The following ARID1A variants were observed in gnomAD, a reference collection of about 807,000 sequenced individuals.
ARID1A encodes AT-rich interactive domain-containing protein 1A.
ARID1A carries 20 observed loss-of-function variants against 212.6 expected under a neutral mutation model. That is an observed-to-expected ratio of 0.09 (90% CI 0.07 to 0.14). The LOEUF is 0.14. Ranked by LOEUF, ARID1A falls within the 10% of genes least tolerant of loss-of-function variation. ARID1A has a pLI of 1.00. For synonymous variants in ARID1A, 1,376 were observed against 1,222.1 expected, an observed-to-expected ratio of 1.13 and a Z score of -2.63; for missense variants, 2,587 against 3,059.0, an observed-to-expected ratio of 0.85 and a Z score of 3.64.
At chr1:26,750,017 T>A (rs936305694) in intron 4 of ARID1A, among the ~76,000 whole-genome samples, 1 of 152,204 alleles carries the variant, frequency 6.6e-6, no homozygotes, top group Non-Finnish European at 1.5e-5. Context: ...TCTTGTCGTT[T>A]GTGTGTCTGG....
In ARID1A at chr1:26,779,654, C is replaced by G. The variant is rs2124142524; in HGVS notation, c.5756C>G (p.Ser1919Cys). 6.2e-7 allele frequency: 1 copy of G among 1,614,124 alleles called. No homozygotes were observed. The highest frequency in any genetic ancestry group is 8.5e-7 in the Non-Finnish European group (1 of 1,180,028). The change falls in exon 20 of 20, where the codon TCT (serine) becomes TGT (cysteine). Residue 1919 changes from serine (S) to cysteine (C), a missense_variant. This residue lies in a region of ARID1A where 890 missense variants were observed against 1,098.2 expected (regional missense o/e 0.81). Coordinates refer to ENST00000324856, the MANE Select transcript of ARID1A (RefSeq NM_006015.6). ...ATMDDMLSTR[S>C]STLTEDGAKS... ...ATGGATGACATGTTGTCTACTCGGTCTAGCACCTTGACCGAGGATGGAGCT... is the reference window on the plus strand; with the variant it reads ...ATGGATGACATGTTGTCTACTCGGTGTAGCACCTTGACCGAGGATGGAGCT...
Position 26,732,731 on chromosome 1 carries a change from C to T in ARID1A, c.1859C>T (p.Ser620Phe), listed in dbSNP as rs1324498175. The T allele has an allele frequency of 1.2e-6, 2 of 1,614,076 alleles. No individual in the cohort carries two copies. The highest frequency in any genetic ancestry group is 4.5e-5 in the East Asian group (2 of 44,878). ...GCATCCTCAGCCCCCTCAATGACCT[C>T]CAGTAAGGGAGGGCAAGAAGATATG... ...SQASSAPSMT[S>F]SKGGQEDMNL... The change falls in exon 4 of 20, where the codon TCC becomes TTC. Residue 620 changes from serine to phenylalanine, a missense_variant. Ser to Phe is a radical substitution (Grantham distance 155). This residue lies in a region of ARID1A where 674 missense variants were observed against 813.4 expected (regional missense o/e 0.83). Coordinates refer to ENST00000324856, the MANE Select transcript of ARID1A (RefSeq NM_006015.6).
At chr1:26,708,914 C>G (rs2080421864) in intron 1 of ARID1A, among the ~76,000 whole-genome samples, 1 of 151,832 alleles carries the variant, frequency 6.6e-6, no homozygotes. Flanking sequence ...CCAGGATGGT[C>G]TCGGTCTGCT....
At chr1:26,703,555 T>C (rs190305715) in intron 1 of ARID1A, among the ~76,000 whole-genome samples, 4 of 152,324 alleles carry the variant, frequency 2.6e-5, no homozygotes, top group Admixed American at 2.6e-4. Flanking sequence ...ACTATGATTT[T>C]TAGGTTCAGC....
intron 1 of ARID1A, among the ~76,000 whole-genome samples, chr1:26,728,696 C>T (rs2080642939): frequency 1.3e-5 from 2 of 152,286 alleles, no homozygotes; most frequent in South Asian, 2.1e-4. Context: ...ATATCAGACC[C>T]ATGCCTACTC....
At chr1:26,778,378 G>A (rs192005457) in intron 19 of ARID1A, 1 of 152,034 alleles carries the variant, frequency 6.6e-6, no homozygotes, top group Admixed American at 6.5e-5. Context: ...GCCAAAGATT[G>A]TGACTGGAGA....
chr1:26,725,154 T>C (rs2080604614), intron 1 of ARID1A, among the ~76,000 whole-genome samples: 1 of 152,188 alleles, frequency 6.6e-6, no homozygotes, highest in Non-Finnish European at 1.5e-5. Flanking sequence ...TGAAAGGATT[T>C]CCTCTGTCTT....
intron 1 of ARID1A, among the ~76,000 whole-genome samples, chr1:26,716,957 G>A: frequency 6.6e-6 from 1 of 152,138 alleles, no homozygotes; most frequent in East Asian, 1.9e-4. Context: ...GTGCTATATT[G>A]CAGGACATTG....
chr1:26,769,212 C>A (rs1470684007), intron 11 of ARID1A: 2 of 152,170 alleles, frequency 1.3e-5, no homozygotes, highest in East Asian at 3.9e-4. Flanking sequence ...TCGCTCACTT[C>A]TGATTGGGTG....
Position 26,774,198 on chromosome 1 carries a change from G to C in ARID1A, c.4102-131G>C. ...TGGAAACAACTTCAAAAGACAATTTGTTAAGGTGATTCCCATGTTTTCTTG... is the reference window on the plus strand; with the variant it reads ...TGGAAACAACTTCAAAAGACAATTTCTTAAGGTGATTCCCATGTTTTCTTG... On this transcript the variant is annotated intron_variant, in intron 17 of 19. Coordinates refer to ENST00000324856, the MANE Select transcript of ARID1A (RefSeq NM_006015.6). This position sits in a 1 kb window ranked among gnomAD's most constrained non-coding sequence, Gnocchi z 5.6. The C allele has an allele frequency of 6.9e-7, 1 of 1,448,658 alleles. No homozygotes were observed. The highest frequency in any genetic ancestry group is 1.5e-5 in the South Asian group (1 of 66,414). 89.7% of individuals were successfully genotyped at this position (1,448,658 alleles called of 1,614,324 possible). A position where few individuals can be genotyped will look rare whatever the true frequency, so the allele number is the denominator to read the frequency against.
At chr1:26,772,718 C>T (rs2124105715) in intron 13 of ARID1A, 86 bp downstream of exon 13, 1 of 1,607,032 alleles carries the variant, frequency 6.2e-7, no homozygotes, top group South Asian at 1.1e-5. Flanking sequence ...GTGGTCCTTG[C>T]CTCTGCCTTC....
chr1:26,720,549 C>T (rs560665631), intron 1 of ARID1A, among the ~76,000 whole-genome samples: 1 of 151,894 alleles, frequency 6.6e-6, no homozygotes, highest in South Asian at 2.1e-4. Flanking sequence ...CCCAAATGCT[C>T]CCAGACTGGA....
Position 26,771,002 on chromosome 1 carries a change from A to T in ARID1A, c.3199-117A>T. The T allele has an allele frequency of 1.1e-6, 1 of 880,114 alleles. No individual in the cohort carries two copies. Among genetic ancestry groups the T allele is most frequent in the Non-Finnish European group, 1.8e-6 (1 of 568,070 alleles). 54.5% of individuals were successfully genotyped at this position (880,114 alleles called of 1,614,324 possible). A position where few individuals can be genotyped will look rare whatever the true frequency, so the allele number is the denominator to read the frequency against. On this transcript the variant is annotated intron_variant, in intron 11 of 19. Transcript: ENST00000324856. This position sits in a 1 kb window ranked among gnomAD's most constrained non-coding sequence, Gnocchi z 5.4. The stretch of plus-strand genomic sequence containing the variant: ...CCAAGCAAGATTAACTTTTTCAATT[A>T]CCTAAGAACTGTGGTTCTACAAAGA...
chr1:26,730,345 C>G (rs1474723020), intron 2 of ARID1A, among the ~76,000 whole-genome samples: 1 of 152,174 alleles, frequency 6.6e-6, no homozygotes, highest in Non-Finnish European at 1.5e-5. Context: ...AGCATTGATA[C>G]AAATGTTAAG....
At chr1:26,711,147 C>T (rs970400921) in intron 1 of ARID1A, among the ~76,000 whole-genome samples, 1 of 151,496 alleles carries the variant, frequency 6.6e-6, no homozygotes, top group African/African-American at 2.4e-5. Context: ...CTCGCTTTGT[C>T]ACCCAGGCTG....
chr1:26,719,907 C>T (rs1013069261), intron 1 of ARID1A, among the ~76,000 whole-genome samples: 1 of 142,436 alleles, frequency 7.0e-6, no homozygotes, highest in African/African-American at 2.6e-5. Context: ...CGCCATTACA[C>T]TCTAGCCTGG....
At position 26,723,527 on chromosome 1, in the gene ARID1A, G is replaced by A. The variant is rs765205660; in HGVS notation, c.1138-6124G>A. ...GGGGTCCTTACCCATCTGTTCTCTC[G>A]GCTCTTTCTGGGTTATCAGGCGCCA... On this transcript the variant is annotated intron_variant, in intron 1 of 19. Transcript: ENST00000324856. 3.9e-5 allele frequency among the ~76,000 whole-genome samples: 6 copies of A among 152,084 alleles called. No individual in the cohort carries two copies. In the East Asian group the frequency reaches 9.6e-4, roughly 24 times the overall value.
In ARID1A at chr1:26,731,361, G is replaced by A. The variant is rs200277813; in HGVS notation, c.1560G>A (p.Gln520=). The A allele has an allele frequency of 2.5e-6, 4 of 1,613,664 alleles. No individual in the cohort carries two copies. Among genetic ancestry groups the A allele is most frequent in the South Asian group, 2.2e-5 (2 of 91,036 alleles). The change falls in exon 3 of 20, where the codon CAG becomes CAA. Residue 520 remains glutamine, a synonymous_variant. Coordinates refer to ENST00000324856, the MANE Select transcript of ARID1A (RefSeq NM_006015.6). ...QLQSSQPPYS[Q]QPSQPPHQQS... ...AGTCCTCTCAGCCTCCATACTCCCA[G>A]CAGCCATCCCAGCCTCCACATCAGC...
chr1:26,774,726 G>A lies in ARID1A; in HGVS notation c.4499G>A (p.Gly1500Glu), dbSNP rs771481044. 1 of 1,614,242 alleles carries A rather than the reference G, an allele frequency of 6.2e-7. No individual in the cohort carries two copies. The highest frequency in any genetic ancestry group is 1.7e-5 in the Admixed American group (1 of 60,030). The change falls in exon 18 of 20, where the codon GGG becomes GAG. Residue 1500 changes from glycine (G) to glutamate (E), a missense_variant. Gly to Glu is a moderately conservative substitution (Grantham distance 98). Around this residue, in one of 11 missense-constraint regions of ARID1A, gnomAD observed 890 missense variants for 1,098.2 expected, o/e 0.81. Transcript: ENST00000324856. The surrounding 1 kb of genome is among the most constrained non-coding windows in gnomAD (Gnocchi z 5.6). ...EVAQQGTMWQ[G>E]RNDMTYNYAN... Reference sequence around the variant, plus strand: ...GCTCAGCAAGGCACCATGTGGCAGGGGCGTAATGACATGACCTATAATTAT... The same window carrying A: ...GCTCAGCAAGGCACCATGTGGCAGGAGCGTAATGACATGACCTATAATTAT...
Sources: gnomAD v4.1 joint callset for allele counts (sites outside exome capture counted in the v4.1 genomes callset) on GRCh38, gnomAD v4.1.1 for gene constraint, gnomAD v4.1.1 regional missense constraint, Gnocchi (gnomAD v3.1) non-coding constraint, MANE v1.5 for transcripts, NCBI Gene and HGNC (gene_info 2026-07-23, HGNC 2026-07-21) for gene names.